The following TUSC3 variants were observed in gnomAD, a reference collection of about 807,000 sequenced individuals.
TUSC3 encodes the protein dolichyl-diphosphooligosaccharide--protein glycosyltransferase subunit TUSC3.
A neutral mutation model predicts 44.8 loss-of-function variants in TUSC3; 45 were observed. The ratio of observed to expected loss-of-function variants is 1.00; its 90% confidence interval spans 0.79 to 1.29. TUSC3 has a LOEUF of 1.29. Ranked by LOEUF, TUSC3 falls within the 50% of genes most tolerant of loss-of-function variation. The pLI, the probability that TUSC3 is intolerant of heterozygous loss-of-function variation, is 0.00. For missense variants in TUSC3, 519 were observed against 437.9 expected, an observed-to-expected ratio of 1.19 and a Z score of -1.65; for synonymous variants, 212 against 152.9, an observed-to-expected ratio of 1.39 and a Z score of -2.85.
chr8:15,828,264 G>C, the TUSC3 span, among the ~76,000 whole-genome samples: 1 of 152,144 alleles, frequency 6.6e-6, no homozygotes, highest in African/African-American at 2.4e-5. Context: ...CGAAGTGCTG[G>C]GATTATAGGC....
At chr8:15,468,688 A>G (rs956942433) in intron 1 of TUSC3, among the ~76,000 whole-genome samples, 6 of 152,158 alleles carry the variant, frequency 3.9e-5, no homozygotes, top group Non-Finnish European at 7.4e-5. Flanking sequence ...AGGCCAGGCT[A>G]GAGACTTCTA....
intron 2 of TUSC3, among the ~76,000 whole-genome samples, chr8:15,637,130 A>G (rs1285805148): frequency 6.6e-6 from 1 of 152,174 alleles, no homozygotes; most frequent in African/African-American, 2.4e-5. Flanking sequence ...ATGTTATTAT[A>G]TCGTAGTTTA....
chr8:15,645,575 C>G (rs1285426670), intron 2 of TUSC3, among the ~76,000 whole-genome samples: 1 of 152,146 alleles, frequency 6.6e-6, no homozygotes, highest in African/African-American at 2.4e-5. Flanking sequence ...TCTTTAACCT[C>G]TTAAAAGTGG....
At chr8:15,735,769 C>G (rs376315395) in intron 7 of TUSC3, among the ~76,000 whole-genome samples, 7 of 152,112 alleles carry the variant, frequency 4.6e-5, no homozygotes, top group African/African-American at 1.4e-4. Context: ...GCGTGATCTC[C>G]GCTCACTGCA....
intron 1 of TUSC3, among the ~76,000 whole-genome samples, chr8:15,610,921 G>T (rs1804735796): frequency 6.6e-6 from 1 of 152,120 alleles, no homozygotes; most frequent in African/African-American, 2.4e-5. Flanking sequence ...ATAACTAAAA[G>T]AGTGTTACTG....
chr8:15,454,548 C>T (rs1436881224), intron 1 of TUSC3, among the ~76,000 whole-genome samples: 1 of 152,168 alleles, frequency 6.6e-6, no homozygotes, highest in African/African-American at 2.4e-5. Context: ...GTTTCCAGCT[C>T]GCTATTTGTT....
intron 2 of TUSC3, among the ~76,000 whole-genome samples, chr8:15,515,654 A>G (rs1237657669): frequency 1.3e-5 from 2 of 151,782 alleles, no homozygotes; most frequent in East Asian, 1.9e-4. Flanking sequence ...GATACAAAAT[A>G]TATATATATG....
At chr8:15,427,818 T>A (rs1337765126) in intron 1 of TUSC3, among the ~76,000 whole-genome samples, 1 of 152,092 alleles carries the variant, frequency 6.6e-6, no homozygotes, top group East Asian at 1.9e-4. Flanking sequence ...ACTCAAAAAA[T>A]CTTTGACAAC....
chr8:15,664,551 T>C (rs1054471750), intron 5 of TUSC3, among the ~76,000 whole-genome samples: 3 of 149,386 alleles, frequency 2.0e-5, no homozygotes, highest in African/African-American at 7.3e-5. Flanking sequence ...CTAAGATACC[T>C]TGGCAGGTAT....
At chr8:15,469,688 C>G (rs1359860586) in intron 1 of TUSC3, among the ~76,000 whole-genome samples, 2 of 152,226 alleles carry the variant, frequency 1.3e-5, no homozygotes, top group Non-Finnish European at 2.9e-5. Context: ...ATAGAAAAAC[C>G]TGCACACAGA....
intron 3 of TUSC3, 108 bp from the exon 4 acceptor site, chr8:15,659,399 T>G: frequency 7.1e-7 from 1 of 1,409,586 alleles, no homozygotes; most frequent in Non-Finnish European, 9.6e-7. Flanking sequence ...ACCACTTGGA[T>G]TTTCATAATA....
At chr8:15,481,162 T>C (rs942036377) in intron 1 of TUSC3, among the ~76,000 whole-genome samples, 11 of 149,440 alleles carry the variant, frequency 7.4e-5, no homozygotes. Flanking sequence ...GCAGGAGAAC[T>C]GCTTGAACCT....
the TUSC3 span, among the ~76,000 whole-genome samples, chr8:15,802,065 C>T: frequency 6.6e-6 from 1 of 152,144 alleles, no homozygotes; most frequent in African/African-American, 2.4e-5. Flanking sequence ...TGGGAAGCTG[C>T]CGTGCTGTTA....
chr8:15,470,955 A>AAATG (rs34953309), intron 1 of TUSC3, among the ~76,000 whole-genome samples: 8,571 of 151,966 alleles, frequency 0.056, 313 homozygotes, highest in South Asian at 0.14. Flanking sequence ...GTGAGTGGGA[A>AAATG]AATGAATGAA....
At chr8:15,772,025 C>G in the TUSC3 span, among the ~76,000 whole-genome samples, 119 of 152,066 alleles carry the variant, frequency 7.8e-4, no homozygotes, top group Admixed American at 2.9e-3. Flanking sequence ...GGAGGCGGAG[C>G]TTGCAGTGAG....
chr8:15,425,975 C>T (rs1799798800), intron 1 of TUSC3, among the ~76,000 whole-genome samples: 1 of 152,054 alleles, frequency 6.6e-6, no homozygotes, highest in African/African-American at 2.4e-5. Context: ...ATTATTGTGC[C>T]ATTGTACTCA....
chr8:15,447,566 A>T (rs1452795172), intron 1 of TUSC3, among the ~76,000 whole-genome samples: 1 of 152,172 alleles, frequency 6.6e-6, no homozygotes, highest in Non-Finnish European at 1.5e-5. Flanking sequence ...AAGCAATAAA[A>T]ATGTACAAAT....
intron 6 of TUSC3, among the ~76,000 whole-genome samples, chr8:15,702,304 G>C (rs1809440973): frequency 6.6e-6 from 1 of 152,144 alleles, no homozygotes; most frequent in Non-Finnish European, 1.5e-5. Flanking sequence ...AATAGTTGTT[G>C]AGCCACTTCT....
chr8:15,678,003 G>A (rs1291413220), intron 6 of TUSC3, among the ~76,000 whole-genome samples: 1 of 152,108 alleles, frequency 6.6e-6, no homozygotes, highest in East Asian at 1.9e-4. Flanking sequence ...AAGGAAACAT[G>A]GGAGAAGAGA....
Sources: gnomAD v4.1 joint callset for allele counts (sites outside exome capture counted in the v4.1 genomes callset) on GRCh38, gnomAD v4.1.1 for gene constraint, MANE v1.5 for transcripts, NCBI Gene and HGNC (gene_info 2026-07-23, HGNC 2026-07-21) for gene names.